Variants in AGK observed in about 807,000 individuals in gnomAD.
AGK encodes the protein acylglycerol kinase, mitochondrial.
In AGK, 52 loss-of-function variants were observed where a neutral mutation model predicts 66.4. The observed-to-expected ratio is 0.78, with a 90% CI of 0.63 to 0.99. The LOEUF is 0.99. Ranked by LOEUF, AGK falls within the 50% of genes least tolerant of loss-of-function variation. The pLI is 0.00. For missense variants in AGK, 451 were observed against 506.6 expected (o/e 0.89, Z 1.05); for synonymous variants, 182 against 181.1 (o/e 1.00, Z -0.04).
At chr7:141,577,468 C>CTT (rs1795770498) in intron 2 of AGK, among the ~76,000 whole-genome samples, 2 of 152,292 alleles carry the variant, frequency 1.3e-5, no homozygotes, top group South Asian at 4.1e-4. Flanking sequence ...AGACAGGGTC[C>CTT]TTGTCATGTG....
intron 2 of AGK, among the ~76,000 whole-genome samples, chr7:141,587,483 CT>C (rs1796017282): frequency 6.6e-6 from 1 of 152,142 alleles, no homozygotes; most frequent in Non-Finnish European, 1.5e-5. Context: ...TGAAAATGTC[CT>C]TGGTGACCTG....
In AGK at chr7:141,621,437, A is replaced by G. The variant is rs114181612; in HGVS notation, c.519-295A>G. Among the ~76,000 whole-genome samples the G allele has an allele frequency of 5.2e-3, 796 of 152,282 alleles. 8 individuals are homozygous for G. The highest frequency in any genetic ancestry group is 0.019 in the African/African-American group (772 of 41,560). On this transcript the variant is annotated intron_variant, in intron 8 of 15. Transcript: ENST00000649286. ...AAGTTATTAAGTGTCATATTTTCCA[A>G]TGGTAAATAGGAGTCAGGCACAATG...
chr7:141,613,014 G>A (rs1796625057), intron 6 of AGK, among the ~76,000 whole-genome samples: 1 of 152,144 alleles, frequency 6.6e-6, no homozygotes, highest in Admixed American at 6.5e-5. Context: ...CATTATGTGA[G>A]CCTTAGTAAG....
At chr7:141,604,374 G>GCA (rs1796406100) in intron 5 of AGK, among the ~76,000 whole-genome samples, 1 of 113,826 alleles carries the variant, frequency 8.8e-6, no homozygotes, top group African/African-American at 3.4e-5. Flanking sequence ...GTGTGTGTGT[G>GCA]TATATATATA....
At chr7:141,621,596 GA>G in intron 8 of AGK, 135 bp from the exon 9 acceptor site, 1 of 479,940 alleles carries the variant, frequency 2.1e-6, no homozygotes. Context: ...GAAGGAGGGG[GA>G]GAGAGAGAGA....
chr7:141,643,432 G>A (rs1473296801), intron 13 of AGK, among the ~76,000 whole-genome samples: 1 of 152,098 alleles, frequency 6.6e-6, no homozygotes, highest in African/African-American at 2.4e-5. Flanking sequence ...CTCTAAGCAT[G>A]ACATTTAAGG....
chr7:141,587,275 C>G (rs746335820), intron 2 of AGK, among the ~76,000 whole-genome samples: 1 of 152,208 alleles, frequency 6.6e-6, no homozygotes, highest in Non-Finnish European at 1.5e-5. Flanking sequence ...CATCCTAGTT[C>G]CAGTCATCAT....
At chr7:141,647,923 G>A (rs367782498) in intron 13 of AGK, among the ~76,000 whole-genome samples, 79 of 152,264 alleles carry the variant, frequency 5.2e-4, no homozygotes, top group African/African-American at 7.7e-4. Context: ...CGCCCGCCTC[G>A]GCCTCCCAAA....
In AGK at chr7:141,555,716, ACTT is replaced by A. The variant is rs1351308957; in HGVS notation, c.101+153_101+155del. 8.9e-6 allele frequency: 5 copies of A among 559,616 alleles called. No individual in the cohort carries two copies. Among genetic ancestry groups the A allele is most frequent in the African/African-American group, 1.9e-5 (1 of 52,800 alleles). The allele number at this position is 559,616 out of a possible 1,614,324, so 34.7% of individuals were successfully genotyped here. A position where few individuals can be genotyped will look rare whatever the true frequency, so the allele number is the denominator to read the frequency against. ...AATGCTATTCAAAGCAAAAACAAAG[ACTT>A]CTTGTAACCAGAGCTGGAACTACAT... On this transcript the variant is annotated intron_variant, in intron 2 of 15. Transcript: ENST00000649286. This position sits in a 1 kb window ranked among gnomAD's most constrained non-coding sequence, Gnocchi z 4.2.
At position 141,555,385 on chromosome 7, in the gene AGK, A is replaced by C; in HGVS notation, c.-14-68A>C. 9.4e-7 allele frequency: 1 copy of C among 1,060,046 alleles called. No individual in the cohort carries two copies. Among genetic ancestry groups the C allele is most frequent in the South Asian group, 1.5e-5 (1 of 68,210 alleles). The allele number at this position is 1,060,046 out of a possible 1,614,324, so 65.7% of individuals were successfully genotyped here. On this transcript the variant is annotated intron_variant, in intron 1 of 15. Coordinates refer to ENST00000649286, the MANE Select transcript of AGK (RefSeq NM_018238.4). This position sits in a 1 kb window ranked among gnomAD's most constrained non-coding sequence, Gnocchi z 4.2. ...AGGATAAAAGAATGGAAGACAGAGT[A>C]ATAGGGACATTACATGAAGACCATG...
At chr7:141,635,463 T>A (rs1014090440) in intron 10 of AGK, among the ~76,000 whole-genome samples, 1 of 152,098 alleles carries the variant, frequency 6.6e-6, no homozygotes, top group African/African-American at 2.4e-5. Flanking sequence ...AAGTAAATTT[T>A]AAAAAATAAT....
At chr7:141,634,036 C>G in intron 10 of AGK, 56 bp downstream of exon 10, 1 of 1,457,342 alleles carries the variant, frequency 6.9e-7, no homozygotes, top group South Asian at 1.1e-5. Context: ...TATTCTGTCC[C>G]TGCCTTTCAG....
chr7:141,630,028 G>A (rs1797023167), intron 9 of AGK, among the ~76,000 whole-genome samples: 1 of 152,160 alleles, frequency 6.6e-6, no homozygotes, highest in Non-Finnish European at 1.5e-5. Flanking sequence ...AAGAACTGTA[G>A]TAAACATAAC....
At chr7:141,560,803 T>C (rs1390512285) in intron 2 of AGK, among the ~76,000 whole-genome samples, 3 of 149,360 alleles carry the variant, frequency 2.0e-5, no homozygotes, top group African/African-American at 7.4e-5. Context: ...TTCTTTTTTT[T>C]TTTTTTTTTT....
At chr7:141,567,313 G>GA (rs1330838040) in intron 2 of AGK, among the ~76,000 whole-genome samples, 7 of 152,112 alleles carry the variant, frequency 4.6e-5, no homozygotes, top group Non-Finnish European at 1.0e-4. Flanking sequence ...ACAGATTTGT[G>GA]AAAAATTGCA....
chr7:141,615,827 A>G (rs1050172933), intron 8 of AGK: 57 of 403,252 alleles, frequency 1.4e-4, no homozygotes, highest in African/African-American at 1.0e-3. Flanking sequence ...AATATCCCTG[A>G]CCTAAACCGT....
intron 2 of AGK, among the ~76,000 whole-genome samples, chr7:141,561,090 G>A (rs1795340227): frequency 6.6e-6 from 1 of 152,172 alleles, no homozygotes; most frequent in East Asian, 1.9e-4. Context: ...ACCGCGCCCG[G>A]CCCATTATTT....
At chr7:141,615,908 A>G (rs954276470) in intron 8 of AGK, 1 of 200,954 alleles carries the variant, frequency 5.0e-6, no homozygotes, top group Non-Finnish European at 1.0e-5. Context: ...TGCTTTAAGT[A>G]TATGCAATGA....
rs185467291 is a variant in AGK at position 141,584,131 on chromosome 7, C to T, written c.102-9015C>T. Among the ~76,000 whole-genome samples, 41 of 151,858 alleles carry T rather than the reference C, an allele frequency of 2.7e-4. 1 individual carries two copies. In the South Asian group the frequency reaches 4.8e-3, roughly 18 times the overall value. On this transcript the variant is annotated intron_variant, in intron 2 of 15. Coordinates refer to ENST00000649286, the MANE Select transcript of AGK (RefSeq NM_018238.4). ...CACCTGGGTGCAGGTGGGCCGAGTC[C>T]GAAAAGAGAGTCAGCGAAGGGAGAT...
Sources: allele counts gnomAD v4.1 joint callset (sites outside exome capture counted in the v4.1 genomes callset), GRCh38; gene constraint gnomAD v4.1.1; non-coding constraint Gnocchi (gnomAD v3.1); transcripts MANE v1.5; gene names NCBI Gene and HGNC (gene_info 2026-07-23, HGNC 2026-07-21).